Variants in RRN3 observed in about 807,000 individuals in gnomAD.
The protein encoded by RRN3 is RNA polymerase I transcription factor RRN3, also known as RNA polymerase I-specific transcription initiation factor RRN3.
In RRN3, 38 loss-of-function variants were observed where a neutral mutation model predicts 82.3. That is an observed-to-expected ratio of 0.46 (90% CI 0.36 to 0.61). The LOEUF (loss-of-function observed/expected upper bound fraction) is 0.61. Among genes scored for constraint, RRN3 ranks in the 20% least tolerant of loss-of-function variants. The pLI is 0.00. For synonymous variants in RRN3, 284 were observed against 284.3 expected, an observed-to-expected ratio of 1.00 and a Z score of 0.01; for missense variants, 726 against 793.1, an observed-to-expected ratio of 0.92 and a Z score of 1.02.
At chr16:15,085,134 T>C (rs2045867349) in intron 6 of RRN3, among the ~76,000 whole-genome samples, 1 of 152,192 alleles carries the variant, frequency 6.6e-6, no homozygotes, top group Non-Finnish European at 1.5e-5. Context: ...CGGAATAATT[T>C]ATCAGAGAAA....
rs372670956 is a variant in RRN3 at position 15,079,712 on chromosome 16, C to T, written c.765+286G>A. 8.7e-3 allele frequency among the ~76,000 whole-genome samples: 1,325 copies of T among 152,254 alleles called. 10 individuals are homozygous for T. Among genetic ancestry groups the T allele is most frequent in the Non-Finnish European group, 0.013 (866 of 68,022 alleles). The stretch of plus-strand genomic sequence containing the variant: ...GATTCAAGCAATTCTCCCACCTCAG[C>T]CTCCTGAGTAGCTGGGATTACAGGC... On this transcript the variant is annotated intron_variant, in intron 9 of 17. Transcript: ENST00000198767.
At position 15,070,244 on chromosome 16, in the gene RRN3, A is replaced by C; in HGVS notation, c.1270T>G (p.Ser424Ala). The C allele has an allele frequency of 1.2e-6, 2 of 1,611,566 alleles. No homozygotes were observed. Among genetic ancestry groups the C allele is most frequent in the Admixed American group, 1.7e-5 (1 of 59,936 alleles). Reference sequence around the variant, plus strand: ...CAGTTAACCAAAAGATCTAGGCATGATTTTACAGTACTAGAGAAAAGAAAA... The same window carrying C: ...CAGTTAACCAAAAGATCTAGGCATGCTTTTACAGTACTAGAGAAAAGAAAA... ...AKFIPLITVK[S>A]CLDLLVNWLH... The change falls in exon 14 of 18, where the codon TCA becomes GCA. Residue 424 changes from serine to alanine, a missense_variant. By Grantham distance (99) the Ser-to-Ala change is moderately conservative. This residue lies in a region of RRN3 where 81 missense variants were observed against 156.4 expected (regional missense o/e 0.52). Transcript: ENST00000198767.
chr16:15,078,134 G>A (rs1272176871), intron 9 of RRN3, among the ~76,000 whole-genome samples: 4 of 152,132 alleles, frequency 2.6e-5, no homozygotes, highest in East Asian at 3.9e-4. Flanking sequence ...TGTTCCTTAA[G>A]TATATACCAG....
chr16:15,081,380 A>G (rs1263806469), intron 8 of RRN3, among the ~76,000 whole-genome samples: 1 of 152,188 alleles, frequency 6.6e-6, no homozygotes, highest in Non-Finnish European at 1.5e-5. Context: ...CCTTGTGAAC[A>G]CTTGTTACTG....
At position 15,070,243 on chromosome 16, in the gene RRN3, G is replaced by T. The variant is rs1480442262; in HGVS notation, c.1271C>A (p.Ser424Ter). 4 of 1,611,324 alleles carry T rather than the reference G, an allele frequency of 2.5e-6. No individual in the cohort carries two copies. Among genetic ancestry groups the T allele is most frequent in the East Asian group, 4.5e-5 (2 of 44,858 alleles). Residue 424 changes from serine (S) to a stop codon, truncating the protein, a stop_gained, in exon 14 of 18, where the codon TCA (serine) becomes TAA (stop). Transcript: ENST00000198767. LOFTEE classifies it high-confidence loss of function. Reference protein sequence around the residue: ...AKFIPLITVKSCLDLLVNWLH... With the variant: ...AKFIPLITVK ...CCAGTTAACCAAAAGATCTAGGCAT[G>T]ATTTTACAGTACTAGAGAAAAGAAA...
intron 8 of RRN3, among the ~76,000 whole-genome samples, chr16:15,082,036 CAT>C (rs1258943593): frequency 3.3e-5 from 5 of 152,198 alleles, no homozygotes; most frequent in Non-Finnish European, 7.3e-5. Flanking sequence ...CTTAGAATGA[CAT>C]ATAAAATCAC....
chr16:15,087,789 T>C (rs1298979864), intron 3 of RRN3, among the ~76,000 whole-genome samples: 2 of 152,116 alleles, frequency 1.3e-5, no homozygotes, highest in African/African-American at 4.8e-5. Context: ...GCAACAAAAC[T>C]ATAAGGATAA....
chr16:15,076,342 T>C, intron 10 of RRN3: 2 of 602,748 alleles, frequency 3.3e-6, no homozygotes, highest in Non-Finnish European at 5.9e-6. Context: ...AAGTGAAACA[T>C]ACTTCACCAA....
At chr16:15,065,438 G>A in intron 15 of RRN3, 67 bp from the exon 16 acceptor site, 1 of 1,413,172 alleles carries the variant, frequency 7.1e-7, no homozygotes, top group East Asian at 2.3e-5. Context: ...GCAGATGTGA[G>A]CTGCGTGTGA....
intron 17 of RRN3, among the ~76,000 whole-genome samples, chr16:15,062,639 G>T (rs1457521264): frequency 1.3e-5 from 2 of 152,152 alleles, no homozygotes; most frequent in African/African-American, 2.4e-5. Context: ...AACTGCTGGG[G>T]CAATTTCAAC....
At chr16:15,063,540 C>T (rs1300057669) in intron 16 of RRN3, among the ~76,000 whole-genome samples, 3 of 151,850 alleles carry the variant, frequency 2.0e-5, no homozygotes, top group Non-Finnish European at 4.4e-5. Context: ...AACCCCATCT[C>T]TACTAAAAAT....
chr16:15,082,252 C>T (rs1305730054), intron 8 of RRN3, among the ~76,000 whole-genome samples: 1 of 152,170 alleles, frequency 6.6e-6, no homozygotes, highest in Non-Finnish European at 1.5e-5. Flanking sequence ...GAGAAAATTT[C>T]CTTCTGTTTT....
chr16:15,091,163 T>A (rs2046117111), intron 3 of RRN3, 152 bp downstream of exon 3: 1 of 677,156 alleles, frequency 1.5e-6, no homozygotes, highest in African/African-American at 1.8e-5. Context: ...TTCTAGGGGG[T>A]AAAACTGTCC....
intron 12 of RRN3, among the ~76,000 whole-genome samples, chr16:15,072,317 T>G (rs1020692406): frequency 1.3e-5 from 2 of 151,284 alleles, no homozygotes; most frequent in African/African-American, 2.4e-5. Context: ...GATTAATAAG[T>G]TGGTTTGGGC....
chr16:15,078,708 C>T (rs2045566256), intron 9 of RRN3, among the ~76,000 whole-genome samples: 2 of 152,004 alleles, frequency 1.3e-5, no homozygotes, highest in Non-Finnish European at 2.9e-5. Context: ...TCCCCATCTG[C>T]AGCCACGACT....
chr16:15,077,528 T>C (rs903388127), intron 9 of RRN3, among the ~76,000 whole-genome samples: 1 of 152,160 alleles, frequency 6.6e-6, no homozygotes, highest in African/African-American at 2.4e-5. Flanking sequence ...CCCAGCCATG[T>C]GGAACTGTAA....
chr16:15,084,426 G>C (rs539152850), intron 7 of RRN3, among the ~76,000 whole-genome samples: 1 of 152,016 alleles, frequency 6.6e-6, no homozygotes, highest in Non-Finnish European at 1.5e-5. Context: ...AAAATTGGGG[G>C]AGGATCTGCA....
chr16:15,093,144 A>G (rs2046205609), intron 1 of RRN3, among the ~76,000 whole-genome samples: 1 of 152,122 alleles, frequency 6.6e-6, no homozygotes, highest in Non-Finnish European at 1.5e-5. Flanking sequence ...AGCTGGGATT[A>G]CAGGCACCTG....
At chr16:15,079,855 C>A in intron 9 of RRN3, 143 bp downstream of exon 9, 1 of 950,126 alleles carries the variant, frequency 1.1e-6, no homozygotes, top group Non-Finnish European at 1.5e-6. Context: ...CCTCGGCCTC[C>A]CAAAGTGCTG....
Sources: allele counts gnomAD v4.1 joint callset (sites outside exome capture counted in the v4.1 genomes callset), GRCh38; gene constraint gnomAD v4.1.1; regional missense constraint gnomAD v4.1.1; transcripts MANE v1.5; gene names NCBI Gene and HGNC (gene_info 2026-07-23, HGNC 2026-07-21).